The following ADAMTSL1 variants were observed in gnomAD, a reference collection of about 807,000 sequenced individuals.
ADAMTSL1 encodes the protein ADAMTS-like protein 1.
In ADAMTSL1, 126 loss-of-function variants were observed where a neutral mutation model predicts 201.8. The observed-to-expected ratio is 0.62, with a 90% CI of 0.54 to 0.72. The LOEUF (loss-of-function observed/expected upper bound fraction) is 0.72, where lower values mean the gene tolerates loss of function less well. Ranked by LOEUF, ADAMTSL1 falls within the 30% of genes least tolerant of loss-of-function variation. The probability of loss-of-function intolerance (pLI) is 0.00; values close to 1 mark genes in which losing one functional copy is unlikely to be tolerated. For synonymous variants in ADAMTSL1, 1,121 were observed against 903.4 expected, an observed-to-expected ratio of 1.24 and a Z score of -4.32; for missense variants, 2,679 against 2,277.8, an observed-to-expected ratio of 1.18 and a Z score of -3.59.
intron 4 of ADAMTSL1, among the ~76,000 whole-genome samples, chr9:18,579,925 A>T (rs538047035): frequency 6.6e-6 from 1 of 152,228 alleles, no homozygotes; most frequent in Admixed American, 6.5e-5. Context: ...AGTAGCATAA[A>T]TGTATGGACA....
At chr9:18,850,081 T>C (rs1826387735) in intron 23 of ADAMTSL1, among the ~76,000 whole-genome samples, 1 of 152,172 alleles carries the variant, frequency 6.6e-6, no homozygotes, top group African/African-American at 2.4e-5. Flanking sequence ...GCAGTAAATG[T>C]CACTGCCTAG....
chr9:18,659,919 T>C (rs905809002), intron 8 of ADAMTSL1, among the ~76,000 whole-genome samples: 1 of 151,648 alleles, frequency 6.6e-6, no homozygotes, highest in East Asian at 1.9e-4. Flanking sequence ...TTGTTTTTTT[T>C]AAAAAAAAAA....
At chr9:18,360,606 T>C (rs761097288) in intron 2 of ADAMTSL1, 9 of 152,202 alleles carry the variant, frequency 5.9e-5, no homozygotes, top group Admixed American at 4.6e-4. Flanking sequence ...AGGCTGTTAC[T>C]GGTTATGGGA....
At chr9:18,131,488 G>A (rs910577499) in intron 1 of ADAMTSL1, among the ~76,000 whole-genome samples, 5 of 152,016 alleles carry the variant, frequency 3.3e-5, no homozygotes, top group African/African-American at 9.7e-5. Flanking sequence ...GTATGATGAG[G>A]GCATCAGATA....
intron 21 of ADAMTSL1, among the ~76,000 whole-genome samples, chr9:18,819,658 A>C (rs1473410966): frequency 6.6e-6 from 1 of 152,200 alleles, no homozygotes; most frequent in African/African-American, 2.4e-5. Context: ...ATAACCTTAT[A>C]GTGAGAACCT....
rs766999969 is a variant in ADAMTSL1 at position 18,680,499 on chromosome 9, G to A, written c.1324G>A (p.Ala442Thr). 19 of 1,613,996 alleles carry A rather than the reference G, an allele frequency of 1.2e-5. No individual in the cohort carries two copies. The African/African-American group carries it at 1.7e-4, about 15-fold the overall frequency. ...CATTTTTGACTGCCCTAAATGGCTG[G>A]CACAGGAGTGGTCTCCGGTAACTGT... The part of the protein sequence containing the change: ...CNIFDCPKWL[A>T]QEWSPCTVTC... Residue 442 changes from alanine (A) to threonine (T), a missense_variant, in exon 11 of 29, where the codon GCA becomes ACA. Coordinates refer to ENST00000380548, the MANE Select transcript of ADAMTSL1 (RefSeq NM_001040272.6).
chr9:18,116,902 A>G (rs557769139), intron 1 of ADAMTSL1, among the ~76,000 whole-genome samples: 21 of 152,136 alleles, frequency 1.4e-4, no homozygotes, highest in Non-Finnish European at 2.6e-4. Flanking sequence ...TCTAATGGAC[A>G]TCTCACATTT....
At chr9:18,182,641 T>G (rs1295199597) in intron 2 of ADAMTSL1, among the ~76,000 whole-genome samples, 2 of 152,142 alleles carry the variant, frequency 1.3e-5, no homozygotes, top group Non-Finnish European at 2.9e-5. Context: ...ATAATAGTGA[T>G]GAACACAGCA....
At chr9:17,915,810 T>C (rs1289436798) in intron 1 of ADAMTSL1, among the ~76,000 whole-genome samples, 2 of 152,214 alleles carry the variant, frequency 1.3e-5, no homozygotes, top group Middle Eastern at 3.2e-3. Flanking sequence ...ATTGAGCATG[T>C]TTTCATACGT....
chr9:18,658,051 T>C lies in ADAMTSL1; in HGVS notation c.946+301T>C, dbSNP rs555478703. ...GTGCAGTGGCGCCATCTCGGCTCGC[T>C]GCAAGCTCCGCCTCCCGAGTTCACG... On this transcript the variant is annotated intron_variant, in intron 8 of 28. Coordinates refer to ENST00000380548, the MANE Select transcript of ADAMTSL1 (RefSeq NM_001040272.6). 2.6e-3 allele frequency among the ~76,000 whole-genome samples: 390 copies of C among 150,268 alleles called. 3 individuals carry two copies. The highest frequency in any genetic ancestry group is 0.01 in the Middle Eastern group (3 of 294).
intron 23 of ADAMTSL1, among the ~76,000 whole-genome samples, chr9:18,861,185 C>T (rs1022690752): frequency 1.3e-5 from 2 of 152,174 alleles, no homozygotes; most frequent in African/African-American, 2.4e-5. Flanking sequence ...ATCATATACA[C>T]ATCCCTCTTT....
At chr9:18,454,623 C>T (rs981225829) in intron 2 of ADAMTSL1, among the ~76,000 whole-genome samples, 1 of 152,180 alleles carries the variant, frequency 6.6e-6, no homozygotes, top group Non-Finnish European at 1.5e-5. Flanking sequence ...GCATTTTGTG[C>T]TACCAGGTCA....
chr9:17,921,046 C>A (rs564556644), intron 1 of ADAMTSL1, among the ~76,000 whole-genome samples: 2 of 152,244 alleles, frequency 1.3e-5, no homozygotes, highest in South Asian at 4.1e-4. Context: ...TTTCATATAT[C>A]CTCAATAATT....
chr9:17,910,501 A>G lies in ADAMTSL1; in HGVS notation c.87+3579A>G, dbSNP rs538725775. Reference sequence around the variant, plus strand: ...TTCTTTCCTGTGCCACTTCTTAACCATTTCTTCTGGATAAGGATGATGACA... The same window carrying G: ...TTCTTTCCTGTGCCACTTCTTAACCGTTTCTTCTGGATAAGGATGATGACA... On this transcript the variant is annotated intron_variant, in intron 1 of 29. Coordinates refer to the ADAMTSL1 transcript ENST00000680146. Among the ~76,000 whole-genome samples, 33 of 68,158 alleles carry G rather than the reference A, an allele frequency of 4.8e-4. 7 individuals carry two copies. Among genetic ancestry groups the G allele is most frequent in the African/African-American group, 9.8e-4 (33 of 33,770 alleles). 44.7% of individuals were successfully genotyped at this position (68,158 alleles called of 152,430 possible). A position where few individuals can be genotyped will look rare whatever the true frequency, so the allele number is the denominator to read the frequency against.
rs1405465872 is a variant in ADAMTSL1, at chr9:18,909,369, G to C, written c.*821G>C. 3.3e-5 allele frequency: 5 copies of C among 152,300 alleles called. No homozygotes were observed. The highest frequency in any genetic ancestry group is 3.9e-4 in the East Asian group (2 of 5,190). 9.4% of individuals were successfully genotyped at this position (152,300 alleles called of 1,614,324 possible). On this transcript the variant is annotated 3_prime_UTR_variant, in exon 29 of 29. Coordinates refer to ENST00000380548, the MANE Select transcript of ADAMTSL1 (RefSeq NM_001040272.6). Reference sequence around the variant, plus strand: ...CCCACAACAGAGCACTGCGCTGCGTGGGAGTCCCCACTTCCCAAGCTATCA... The same window carrying C: ...CCCACAACAGAGCACTGCGCTGCGTCGGAGTCCCCACTTCCCAAGCTATCA...
At chr9:18,547,671 C>G (rs1820555773) in intron 3 of ADAMTSL1, among the ~76,000 whole-genome samples, 1 of 148,494 alleles carries the variant, frequency 6.7e-6, no homozygotes, top group Non-Finnish European at 1.5e-5. Flanking sequence ...TGCCAGTTGC[C>G]TAGAATGAGA....
At chr9:18,296,512 T>C (rs947257630) in intron 2 of ADAMTSL1, among the ~76,000 whole-genome samples, 2 of 152,168 alleles carry the variant, frequency 1.3e-5, no homozygotes, top group Non-Finnish European at 2.9e-5. Flanking sequence ...CAATATTATA[T>C]ATCTATATTA....
chr9:18,555,400 A>G (rs1251135670), intron 3 of ADAMTSL1, among the ~76,000 whole-genome samples: 1 of 151,980 alleles, frequency 6.6e-6, no homozygotes, highest in Non-Finnish European at 1.5e-5. Context: ...ATTTTTATTT[A>G]TACTTAAAGC....
chr9:18,527,627 G>T (rs191044628), intron 2 of ADAMTSL1, among the ~76,000 whole-genome samples: 1 of 152,198 alleles, frequency 6.6e-6, no homozygotes, highest in East Asian at 1.9e-4. Flanking sequence ...ATAACATCAG[G>T]ATTTTAAGAA....
Sources: allele counts gnomAD v4.1 joint callset (sites outside exome capture counted in the v4.1 genomes callset), GRCh38; gene constraint gnomAD v4.1.1; transcripts MANE v1.5; gene names NCBI Gene and HGNC (gene_info 2026-07-23, HGNC 2026-07-21).